SLC35F1: variants seen among roughly 807,000 people sequenced by gnomAD.
SLC35F1 encodes the protein chromosome 6 open reading frame 169.
A neutral mutation model predicts 48.7 loss-of-function variants in SLC35F1; 14 were observed. That is an observed-to-expected ratio of 0.29 (90% CI 0.19 to 0.45). SLC35F1 has a LOEUF of 0.45. Among genes scored for constraint, SLC35F1 ranks in the 20% least tolerant of loss-of-function variants. SLC35F1 has a pLI of 1.00. For synonymous variants in SLC35F1, 190 were observed against 202.2 expected (o/e 0.94, Z 0.51); for missense variants, 404 against 500.0 (o/e 0.81, Z 1.83).
chr6:118,247,280 C>T (rs545261379), intron 3 of SLC35F1, among the ~76,000 whole-genome samples: 3 of 152,236 alleles, frequency 2.0e-5, no homozygotes, highest in East Asian at 3.9e-4. Context: ...TGCCACTGAC[C>T]TATTATGGTG....
intron 3 of SLC35F1, among the ~76,000 whole-genome samples, chr6:118,242,446 GAA>G (rs112155403): frequency 0.014 from 2,201 of 152,304 alleles, 65 homozygotes; most frequent in African/African-American, 0.049. Context: ...GAAAGATATT[GAA>G]GTGGAGAAAC....
At chr6:118,005,436 A>C (rs1777161506) in intron 1 of SLC35F1, among the ~76,000 whole-genome samples, 1 of 152,066 alleles carries the variant, frequency 6.6e-6, no homozygotes, top group African/African-American at 2.4e-5. Context: ...TGTTACCCAA[A>C]CTGTTTAATA....
chr6:117,907,863 C>T lies in SLC35F1; in HGVS notation c.137C>T (p.Ala46Val). The T allele has an allele frequency of 6.6e-7, 1 of 1,521,302 alleles. No homozygotes were observed. The highest frequency in any genetic ancestry group is 8.7e-7 in the Non-Finnish European group (1 of 1,144,908). 94.2% of individuals were successfully genotyped at this position (1,521,302 alleles called of 1,614,324 possible). The stretch of plus-strand genomic sequence containing the variant: ...GGGAGCCTGTCCGCCTCCTCCCGGG[C>T]TGGCGTGCGCCAGAGGATCCGCAAA... Reference protein sequence around the residue: ...GGGSLSASSRAGVRQRIRKVL... With the variant: ...GGGSLSASSRVGVRQRIRKVL... Residue 46 changes from alanine (A) to valine (V), a missense_variant, in exon 1 of 8, where the codon GCT becomes GTT. Physicochemically the swap from Ala to Val is moderately conservative, Grantham distance 64. Coordinates refer to ENST00000360388, the MANE Select transcript of SLC35F1 (RefSeq NM_001029858.4).
chr6:118,249,503 A>T (rs1775546876), intron 3 of SLC35F1, among the ~76,000 whole-genome samples: 1 of 152,236 alleles, frequency 6.6e-6, no homozygotes, highest in Non-Finnish European at 1.5e-5. Flanking sequence ...TTCACCTGTA[A>T]TAAATGGTTA....
At chr6:118,308,012 G>A (rs1043834483) in intron 7 of SLC35F1, among the ~76,000 whole-genome samples, 1 of 152,198 alleles carries the variant, frequency 6.6e-6, no homozygotes, top group Non-Finnish European at 1.5e-5. Flanking sequence ...TCATTTCTTC[G>A]AAGACAGTTG....
intron 2 of SLC35F1, among the ~76,000 whole-genome samples, chr6:118,199,280 T>C (rs1360002958): frequency 6.6e-6 from 1 of 152,192 alleles, no homozygotes; most frequent in Non-Finnish European, 1.5e-5. Context: ...GGGTAAAAGC[T>C]GGGTCAGTCA....
rs913696955 is a variant in SLC35F1, at chr6:117,909,857, T to C, written c.173+1958T>C. Among the ~76,000 whole-genome samples the C allele has an allele frequency of 7.9e-5, 12 of 152,290 alleles. No individual in the cohort carries two copies. The East Asian group carries it at 1.2e-3, about 15-fold the overall frequency. ...CATGAGTTGTACTAGTCCCAGTGTA[T>C]AGAGGAGGAACTTATACTTATGTTG... is the stretch of plus-strand genomic sequence containing the variant. On this transcript the variant is annotated intron_variant, in intron 1 of 7. Coordinates refer to ENST00000360388, the MANE Select transcript of SLC35F1 (RefSeq NM_001029858.4).
intron 2 of SLC35F1, among the ~76,000 whole-genome samples, chr6:118,169,250 A>G (rs374059677): frequency 2.6e-4 from 40 of 152,294 alleles, no homozygotes; most frequent in African/African-American, 9.6e-4. Context: ...ATTGTGTCCT[A>G]TTAATCTTAT....
At chr6:118,047,726 A>G (rs923894400) in intron 1 of SLC35F1, among the ~76,000 whole-genome samples, 2 of 152,170 alleles carry the variant, frequency 1.3e-5, no homozygotes, top group African/African-American at 4.8e-5. Context: ...AAATAATAGC[A>G]ATACACAAGA....
At chr6:118,122,236 G>C (rs934495102) in intron 1 of SLC35F1, among the ~76,000 whole-genome samples, 8 of 143,234 alleles carry the variant, frequency 5.6e-5, no homozygotes, top group African/African-American at 2.1e-4. Context: ...TCCTTTTTTT[G>C]TTCTACTCAG....
At chr6:118,272,737 G>GTGTGTATATATATATA (rs201515909) in intron 4 of SLC35F1, among the ~76,000 whole-genome samples, 14 of 120,266 alleles carry the variant, frequency 1.2e-4, no homozygotes, top group African/African-American at 4.5e-4. Context: ...ATATGTGTGT[G>GTGTGTATATATATATA]TATATATATA....
At chr6:118,095,484 C>G (rs554844553) in intron 1 of SLC35F1, among the ~76,000 whole-genome samples, 1 of 151,464 alleles carries the variant, frequency 6.6e-6, no homozygotes, top group Non-Finnish European at 1.5e-5. Context: ...TTTTTTTTTC[C>G]TTTTTCTTTA....
intron 4 of SLC35F1, among the ~76,000 whole-genome samples, chr6:118,267,457 A>T (rs924029725): frequency 6.6e-6 from 1 of 152,228 alleles, no homozygotes; most frequent in Admixed American, 6.5e-5. Flanking sequence ...TTTGGAGGTC[A>T]GTCCGTTCCT....
chr6:118,281,196 CTCTCTCTCTA>C (rs1775979582), intron 6 of SLC35F1, among the ~76,000 whole-genome samples: 1 of 125,212 alleles, frequency 8.0e-6, no homozygotes, highest in African/African-American at 3.0e-5. Flanking sequence ...CTCTCTCTCT[CTCTCTCTCTA>C]TATATATATA....
At chr6:118,194,893 T>G (rs929284896) in intron 2 of SLC35F1, among the ~76,000 whole-genome samples, 1 of 151,198 alleles carries the variant, frequency 6.6e-6, no homozygotes, top group Non-Finnish European at 1.5e-5. Flanking sequence ...AAGAAAATCT[T>G]TTTTTTTTCC....
intron 3 of SLC35F1, among the ~76,000 whole-genome samples, chr6:118,253,650 G>A (rs1363816562): frequency 6.6e-6 from 1 of 152,012 alleles, no homozygotes; most frequent in Non-Finnish European, 1.5e-5. Flanking sequence ...AGAACAAAGG[G>A]CCAAAGAGGT....
intron 1 of SLC35F1, among the ~76,000 whole-genome samples, chr6:118,092,663 G>C (rs1487485757): frequency 6.6e-6 from 1 of 152,228 alleles, no homozygotes; most frequent in Non-Finnish European, 1.5e-5. Context: ...CAGAGGTGGA[G>C]CTTCCCGAGG....
At chr6:117,931,218 C>T (rs1433960954) in intron 1 of SLC35F1, among the ~76,000 whole-genome samples, 2 of 152,086 alleles carry the variant, frequency 1.3e-5, no homozygotes, top group South Asian at 2.1e-4. Flanking sequence ...TAGGTCTCTT[C>T]GTGCTTGCAT....
chr6:118,237,037 C>G (rs939114827), intron 3 of SLC35F1, among the ~76,000 whole-genome samples: 6 of 152,060 alleles, frequency 3.9e-5, no homozygotes, highest in African/African-American at 1.4e-4. Flanking sequence ...CACAAAATGC[C>G]TCCATGCACA....
Sources: allele counts gnomAD v4.1 joint callset (sites outside exome capture counted in the v4.1 genomes callset), GRCh38; gene constraint gnomAD v4.1.1; transcripts MANE v1.5; gene names NCBI Gene and HGNC (gene_info 2026-07-23, HGNC 2026-07-21).